Variants in SGCZ observed in about 807,000 individuals in gnomAD.
SGCZ encodes the protein sarcoglycan zeta, also known as zeta-sarcoglycan.
Under a neutral mutation model 41.3 loss-of-function variants are expected in SGCZ, and 40 were observed. The ratio of observed to expected loss-of-function variants is 0.97; its 90% CI spans 0.75 to 1.26. The LOEUF (loss-of-function observed/expected upper bound fraction) is 1.26. SGCZ is among the 50% of genes most tolerant of loss of function. The pLI is 0.00. For synonymous variants in SGCZ, 206 were observed against 137.5 expected, an observed-to-expected ratio of 1.50 and a Z score of -3.49; for missense variants, 552 against 369.8, an observed-to-expected ratio of 1.49 and a Z score of -4.04.
At chr8:15,053,100 T>C (rs1487638998) in intron 1 of SGCZ, among the ~76,000 whole-genome samples, 1 of 152,114 alleles carries the variant, frequency 6.6e-6, no homozygotes, top group African/African-American at 2.4e-5. Context: ...ACCTTGACCT[T>C]GTGAGTGTGT....
intron 3 of SGCZ, among the ~76,000 whole-genome samples, chr8:14,251,607 G>A (rs751084973): frequency 2.6e-5 from 4 of 151,992 alleles, no homozygotes; most frequent in Non-Finnish European, 5.9e-5. Context: ...CAAAGTTATA[G>A]CAACTAAACC....
At chr8:14,909,815 C>T (rs1799230931) in intron 1 of SGCZ, among the ~76,000 whole-genome samples, 1 of 152,186 alleles carries the variant, frequency 6.6e-6, no homozygotes, top group South Asian at 2.1e-4. Context: ...TTAAAAGTGT[C>T]CCTCAATTCT....
At chr8:14,516,482 T>C (rs924099347) in intron 2 of SGCZ, among the ~76,000 whole-genome samples, 1 of 152,104 alleles carries the variant, frequency 6.6e-6, no homozygotes, top group African/African-American at 2.4e-5. Context: ...CCTCAAACTG[T>C]AGGACAAATC....
chr8:14,525,058 T>G (rs150334271), intron 2 of SGCZ, among the ~76,000 whole-genome samples: 1 of 151,956 alleles, frequency 6.6e-6, no homozygotes, highest in East Asian at 1.9e-4. Context: ...GAGAGATAGA[T>G]GATGATGATG....
intron 2 of SGCZ, among the ~76,000 whole-genome samples, chr8:14,448,587 C>T (rs1213047997): frequency 6.6e-6 from 1 of 152,170 alleles, no homozygotes; most frequent in Non-Finnish European, 1.5e-5. Context: ...TACACTCAGG[C>T]ACACCGACTA....
At chr8:14,183,320 G>C (rs1804791872) in intron 4 of SGCZ, among the ~76,000 whole-genome samples, 1 of 151,398 alleles carries the variant, frequency 6.6e-6, no homozygotes. Flanking sequence ...ACAGATTCTA[G>C]GTTTTCAGGA....
intron 1 of SGCZ, among the ~76,000 whole-genome samples, chr8:14,872,119 G>A (rs1804179295): frequency 6.6e-6 from 1 of 151,890 alleles, no homozygotes; most frequent in South Asian, 2.1e-4. Context: ...GTTGAACAAT[G>A]AGAACATATG....
intron 1 of SGCZ, among the ~76,000 whole-genome samples, chr8:15,190,579 C>T (rs763577272): frequency 1.3e-4 from 20 of 151,802 alleles, no homozygotes; most frequent in African/African-American, 3.9e-4. Flanking sequence ...TCTTTCAGCA[C>T]GAAAGAATGG....
intron 1 of SGCZ, among the ~76,000 whole-genome samples, chr8:14,818,958 G>C (rs939776686): frequency 7.9e-5 from 12 of 151,842 alleles, no homozygotes; most frequent in African/African-American, 2.9e-4. Context: ...TTGTAGAAGA[G>C]ATAGAAAAAA....
At chr8:14,976,596 A>G (rs569585309) in intron 1 of SGCZ, among the ~76,000 whole-genome samples, 2 of 152,172 alleles carry the variant, frequency 1.3e-5, no homozygotes, top group Non-Finnish European at 2.9e-5. Flanking sequence ...ACAACAACAC[A>G]TAAGGTCAAA....
chr8:14,185,896 T>C (rs528375137), intron 4 of SGCZ, among the ~76,000 whole-genome samples: 1 of 152,246 alleles, frequency 6.6e-6, no homozygotes, highest in Non-Finnish European at 1.5e-5. Flanking sequence ...TTAAATAATA[T>C]CTACATGTTG....
chr8:14,196,587 G>A (rs1234109669), intron 4 of SGCZ, among the ~76,000 whole-genome samples: 1 of 152,072 alleles, frequency 6.6e-6, no homozygotes, highest in Admixed American at 6.6e-5. Context: ...TTTGTACATT[G>A]GTGTTTAATG....
At chr8:14,492,991 C>T (rs906184689) in intron 2 of SGCZ, among the ~76,000 whole-genome samples, 1 of 152,090 alleles carries the variant, frequency 6.6e-6, no homozygotes. Flanking sequence ...ATCTAACCCC[C>T]CAACTCTCTA....
intron 4 of SGCZ, among the ~76,000 whole-genome samples, chr8:14,217,069 C>T (rs979832373): frequency 5.9e-5 from 9 of 152,170 alleles, no homozygotes; most frequent in South Asian, 2.1e-4. Flanking sequence ...GGGTGGATCA[C>T]GAGGTCAGGG....
chr8:14,392,108 A>G (rs551223812), intron 2 of SGCZ, among the ~76,000 whole-genome samples: 1 of 152,164 alleles, frequency 6.6e-6, no homozygotes, highest in Non-Finnish European at 1.5e-5. Flanking sequence ...TTCTGTCTTT[A>G]TTTAATCTCT....
intron 1 of SGCZ, among the ~76,000 whole-genome samples, chr8:14,610,477 T>C (rs756030418): frequency 2.0e-5 from 3 of 152,174 alleles, no homozygotes; most frequent in Non-Finnish European, 4.4e-5. Context: ...CAAAAGCATG[T>C]AGATTCTGTC....
At chr8:14,234,577 C>T (rs1211014767) in intron 4 of SGCZ, among the ~76,000 whole-genome samples, 2 of 151,904 alleles carry the variant, frequency 1.3e-5, no homozygotes, top group Non-Finnish European at 1.5e-5. Flanking sequence ...AAATTCTTTT[C>T]CCTAACTATT....
rs1804472621 is a variant in SGCZ at position 14,878,933 on chromosome 8, T to C, written c.40-324007A>G. The C allele has an allele frequency of 2.6e-5, 4 of 152,324 alleles. No individual in the cohort carries two copies. In the South Asian group the frequency reaches 8.3e-4, roughly 31 times the overall value. The allele number at this position is 152,324 out of a possible 1,614,324, so 9.4% of individuals were successfully genotyped here. A position where few individuals can be genotyped will look rare whatever the true frequency, so the allele number is the denominator to read the frequency against. ...GTTTTGTTGTTGTTGTTGTTGTTGTTGTTTTACCTATTCCCTATAAAGGTG... is the reference window on the plus strand; with the variant it reads ...GTTTTGTTGTTGTTGTTGTTGTTGTCGTTTTACCTATTCCCTATAAAGGTG... On this transcript the variant is annotated intron_variant, in intron 1 of 7. Coordinates refer to ENST00000382080, the MANE Select transcript of SGCZ (RefSeq NM_139167.4).
intron 1 of SGCZ, among the ~76,000 whole-genome samples, chr8:14,762,781 TGAA>T (rs1156877772): frequency 4.6e-5 from 7 of 152,332 alleles, no homozygotes; most frequent in South Asian, 2.1e-4. Flanking sequence ...ATGAAATACA[TGAA>T]GAAGTATTGG....
Sources: gnomAD v4.1 joint callset for allele counts (sites outside exome capture counted in the v4.1 genomes callset) on GRCh38, gnomAD v4.1.1 for gene constraint, MANE v1.5 for transcripts, NCBI Gene and HGNC (gene_info 2026-07-23, HGNC 2026-07-21) for gene names.